ATRNL1: variants seen among roughly 807,000 people sequenced by gnomAD.
ATRNL1 encodes the protein attractin-like protein 1.
A neutral mutation model predicts 182.7 loss-of-function variants in ATRNL1; 95 were observed. The observed-to-expected ratio is 0.52, with a 90% CI of 0.44 to 0.62. The LOEUF (loss-of-function observed/expected upper bound fraction) is 0.62, where lower values mean the gene tolerates loss of function less well. Among genes scored for constraint, ATRNL1 ranks in the 20% least tolerant of loss-of-function variants. The pLI is 0.00. For missense variants in ATRNL1, 1,471 were observed against 1,679.5 expected, an observed-to-expected ratio of 0.88 and a Z score of 2.17; for synonymous variants, 576 against 568.3, an observed-to-expected ratio of 1.01 and a Z score of -0.19.
At chr10:115,143,753 C>T (rs551609981) in intron 5 of ATRNL1, among the ~76,000 whole-genome samples, 1 of 152,002 alleles carries the variant, frequency 6.6e-6, no homozygotes, top group Non-Finnish European at 1.5e-5. Context: ...AGAGAACGCA[C>T]GTGAGAGTGT....
chr10:115,538,151 C>G (rs1852148518), intron 25 of ATRNL1, among the ~76,000 whole-genome samples: 1 of 152,196 alleles, frequency 6.6e-6, no homozygotes, highest in Admixed American at 6.5e-5. Flanking sequence ...AATAATGCTG[C>G]TGTGATCAAC....
At position 115,462,041 on chromosome 10, in the gene ATRNL1, GA is replaced by G. The variant is rs1188145480; in HGVS notation, c.3417+11del. On this transcript the variant is annotated splice_region_variant and intron_variant, in intron 22 of 28. Coordinates refer to ENST00000355044, the MANE Select transcript of ATRNL1 (RefSeq NM_207303.4). ...TTATAGCAAACCCAGAACAGGTGAG[GA>G]AAAATTGTTATCTTTTAAAGTATAA... The G allele has an allele frequency of 1.9e-6, 3 of 1,582,316 alleles. No individual in the cohort carries two copies. The highest frequency in any genetic ancestry group is 4.5e-5 in the East Asian group (2 of 44,086).
At chr10:115,799,475 T>C (rs1949740328) in intron 27 of ATRNL1, among the ~76,000 whole-genome samples, 1 of 152,102 alleles carries the variant, frequency 6.6e-6, no homozygotes, top group African/African-American at 2.4e-5. Flanking sequence ...GGGGGTTAGT[T>C]CCCAGTATTC....
intron 19 of ATRNL1, among the ~76,000 whole-genome samples, chr10:115,357,536 A>C (rs1856555636): frequency 6.6e-6 from 1 of 151,716 alleles, no homozygotes; most frequent in Non-Finnish European, 1.5e-5. Flanking sequence ...AACACATTAA[A>C]ATCCTCCTTA....
rs1953864642 is a variant in ATRNL1 at position 115,945,815 on chromosome 10, T to C, written c.*1036T>C. 1 of 152,130 alleles carries C rather than the reference T, an allele frequency of 6.6e-6. No homozygotes were observed. Among genetic ancestry groups the C allele is most frequent in the African/African-American group, 2.4e-5 (1 of 41,434 alleles). The allele number at this position is 152,130 out of a possible 1,614,324, so 9.4% of individuals were successfully genotyped here. A position where few individuals can be genotyped will look rare whatever the true frequency, so the allele number is the denominator to read the frequency against. ...CCAACTGTTCCACCTAGAATACAAG[T>C]AGAGAAGAGCACTGGCTGGCAAGCA... On this transcript the variant is annotated 3_prime_UTR_variant, in exon 29 of 29. Coordinates refer to ENST00000355044, the MANE Select transcript of ATRNL1 (RefSeq NM_207303.4).
At chr10:115,798,854 C>G (rs1182659093) in intron 27 of ATRNL1, among the ~76,000 whole-genome samples, 1 of 145,794 alleles carries the variant, frequency 6.9e-6, no homozygotes, top group Non-Finnish European at 1.5e-5. Flanking sequence ...TGAGTCGGAG[C>G]CTCGCTCTGT....
At chr10:115,911,496 T>G (rs2615877) in intron 28 of ATRNL1, among the ~76,000 whole-genome samples, 149,378 of 152,002 alleles carry the variant, frequency 0.98, 73,454 homozygotes, top group East Asian at 1. Flanking sequence ...TTTTTGTATT[T>G]TTAGTAAAGA....
At position 115,335,507 on chromosome 10, in the gene ATRNL1, G is replaced by A. The variant is rs191405815; in HGVS notation, c.3175+1088G>A. On this transcript the variant is annotated intron_variant, in intron 19 of 28. Transcript: ENST00000355044. ...ATTGTTCTTTTTAAATGTTTCCCAA[G>A]TGACTAATATGCACTCAGAGTTGAG... is the stretch of plus-strand genomic sequence containing the variant. Among the ~76,000 whole-genome samples the A allele has an allele frequency of 2.6e-4, 40 of 152,298 alleles. No individual in the cohort carries two copies. In the East Asian group the frequency reaches 7.1e-3, roughly 27 times the overall value.
intron 27 of ATRNL1, among the ~76,000 whole-genome samples, chr10:115,795,085 G>C (rs532918381): frequency 1.2e-3 from 176 of 152,234 alleles, no homozygotes; most frequent in Non-Finnish European, 2.2e-3. Context: ...CTATGCCTCA[G>C]TGATTTCTCC....
At chr10:115,943,209 AAC>A (rs2134629194) in intron 28 of ATRNL1, among the ~76,000 whole-genome samples, 1 of 152,340 alleles carries the variant, frequency 6.6e-6, no homozygotes, top group African/African-American at 2.4e-5. Flanking sequence ...TAATTTTTAA[AAC>A]AGTTTATGAG....
At chr10:115,836,617 A>C (rs1174269701) in intron 27 of ATRNL1, among the ~76,000 whole-genome samples, 2 of 151,616 alleles carry the variant, frequency 1.3e-5, no homozygotes, top group Non-Finnish European at 2.9e-5. Context: ...CACATGGTGA[A>C]CTCTTCGGTG....
At chr10:115,268,260 T>C (rs1851690179) in intron 12 of ATRNL1, 66 bp from the exon 13 acceptor site, 1 of 891,670 alleles carries the variant, frequency 1.1e-6, no homozygotes, top group Non-Finnish European at 1.9e-6. Flanking sequence ...TAAATAGATA[T>C]TGTAAATTAA....
chr10:115,100,702 A>G (rs782475799), intron 1 of ATRNL1, among the ~76,000 whole-genome samples: 6 of 151,974 alleles, frequency 3.9e-5, no homozygotes, highest in Non-Finnish European at 5.9e-5. Context: ...TTCTTTTCCA[A>G]TTATTTTGGC....
intron 25 of ATRNL1, among the ~76,000 whole-genome samples, chr10:115,535,856 A>AATACCCTGCT (rs1851953967): frequency 5.3e-5 from 8 of 151,818 alleles, no homozygotes; most frequent in African/African-American, 1.9e-4. Context: ...GGTCTGTTGG[A>AATACCCTGCT]GTTTGCTAGA....
intron 1 of ATRNL1, among the ~76,000 whole-genome samples, chr10:115,094,484 T>C (rs2084962992): frequency 6.6e-6 from 1 of 152,186 alleles, no homozygotes; most frequent in Non-Finnish European, 1.5e-5. Context: ...TATGAGTGCC[T>C]CTCTCTTTCC....
intron 24 of ATRNL1, among the ~76,000 whole-genome samples, chr10:115,493,418 C>T (rs1554977235): frequency 6.6e-6 from 1 of 152,158 alleles, no homozygotes; most frequent in Non-Finnish European, 1.5e-5. Flanking sequence ...CCTTCAGCTC[C>T]ATTCATGTTG....
At chr10:115,536,650 T>A (rs1359854506) in intron 25 of ATRNL1, among the ~76,000 whole-genome samples, 2 of 152,202 alleles carry the variant, frequency 1.3e-5, no homozygotes, top group Non-Finnish European at 1.5e-5. Context: ...CACTCCCTAG[T>A]GAGATGAACC....
intron 6 of ATRNL1, among the ~76,000 whole-genome samples, chr10:115,160,549 T>G (rs1846736953): frequency 6.6e-6 from 1 of 151,566 alleles, no homozygotes; most frequent in Non-Finnish European, 1.5e-5. Context: ...TAATGAAGTA[T>G]AATCTCATAT....
chr10:115,196,380 C>T (rs533344535), intron 8 of ATRNL1, among the ~76,000 whole-genome samples: 6 of 150,684 alleles, frequency 4.0e-5, no homozygotes, highest in African/African-American at 1.5e-4. Context: ...AGTCTTCCAT[C>T]TTTTTTTCCA....
Sources: gnomAD v4.1 joint callset for allele counts (sites outside exome capture counted in the v4.1 genomes callset) on GRCh38, gnomAD v4.1.1 for gene constraint, MANE v1.5 for transcripts, NCBI Gene and HGNC (gene_info 2026-07-23, HGNC 2026-07-21) for gene names.